The following WDPCP variants were observed in gnomAD, a reference collection of about 807,000 sequenced individuals.
The protein encoded by WDPCP is WD repeat containing planar cell polarity effector.
In WDPCP, 71 loss-of-function variants were observed where a neutral mutation model predicts 93.1. That is an observed-to-expected ratio of 0.76 (90% CI 0.63 to 0.93). The LOEUF is 0.93. Among genes scored for constraint, WDPCP ranks in the 40% least tolerant of loss-of-function variants. The pLI is 0.00. For synonymous variants in WDPCP, 315 were observed against 315.0 expected (o/e 1.00, Z 0.00); for missense variants, 844 against 887.4 (o/e 0.95, Z 0.62).
chr2:63,472,585 A>C (rs1378995374), intron 6 of WDPCP, among the ~76,000 whole-genome samples: 2 of 150,758 alleles, frequency 1.3e-5, no homozygotes, highest in Non-Finnish European at 3.0e-5. Flanking sequence ...TATTACTTTT[A>C]TTTTTTATTT....
intron 2 of WDPCP, among the ~76,000 whole-genome samples, chr2:63,715,400 A>G (rs1221471515): frequency 6.6e-6 from 1 of 152,242 alleles, no homozygotes; most frequent in Non-Finnish European, 1.5e-5. Flanking sequence ...CAAGAGGACT[A>G]TAAGCCATAG....
chr2:63,633,804 G>A (rs1438769787), intron 3 of WDPCP, among the ~76,000 whole-genome samples: 1 of 152,172 alleles, frequency 6.6e-6, no homozygotes, highest in African/African-American at 2.4e-5. Context: ...GCTGATGCTT[G>A]AAATCCCAGC....
intron 14 of WDPCP, among the ~76,000 whole-genome samples, chr2:63,252,781 A>G (rs764486186): frequency 1.3e-5 from 2 of 152,220 alleles, no homozygotes; most frequent in Non-Finnish European, 2.9e-5. Flanking sequence ...ACAAATGGAA[A>G]AACTTCCACG....
intron 12 of WDPCP, among the ~76,000 whole-genome samples, chr2:63,329,426 T>C (rs1176751241): frequency 6.6e-6 from 1 of 152,210 alleles, no homozygotes; most frequent in African/African-American, 2.4e-5. Context: ...TACATTGCTT[T>C]TATTGATTAT....
chr2:63,142,045 C>G (rs561998251), intron 17 of WDPCP, among the ~76,000 whole-genome samples: 1 of 152,248 alleles, frequency 6.6e-6, no homozygotes, highest in East Asian at 1.9e-4. Context: ...GTTAATCTTG[C>G]TAATGATCTA....
chr2:63,830,742 T>A (rs1671179858), upstream of WDPCP, among the ~76,000 whole-genome samples: 1 of 152,184 alleles, frequency 6.6e-6, no homozygotes, highest in Admixed American at 6.5e-5. Flanking sequence ...CTTAAATAAT[T>A]GGCTATTCTT....
At chr2:63,299,281 A>AG (rs1476429080) in intron 13 of WDPCP, among the ~76,000 whole-genome samples, 2 of 152,200 alleles carry the variant, frequency 1.3e-5, no homozygotes, top group Non-Finnish European at 2.9e-5. Context: ...CCCATTGGCT[A>AG]CTATGCCCTT....
At chr2:63,575,116 G>A (rs1354338770) in intron 1 of WDPCP, among the ~76,000 whole-genome samples, 1 of 151,496 alleles carries the variant, frequency 6.6e-6, no homozygotes, top group Admixed American at 6.6e-5. Flanking sequence ...ATGCAACCTT[G>A]AAAAACATGG....
rs1339511299 is a variant in WDPCP, at chr2:63,797,755, A to T, written n.308+15867T>A. Among the ~76,000 whole-genome samples the T allele has an allele frequency of 2.0e-5, 3 of 152,270 alleles. No individual in the cohort carries two copies. The South Asian group carries it at 6.2e-4, about 32-fold the overall frequency. On this transcript the variant is annotated intron_variant and non_coding_transcript_variant, in intron 2 of 4. Transcript: ENST00000467687. Reference sequence around the variant, plus strand: ...AAATAGAGAGAGAGGTAGGAATAGAAGGTTTACTCAAAGGAAAAATAACAG... The same window carrying T: ...AAATAGAGAGAGAGGTAGGAATAGATGGTTTACTCAAAGGAAAAATAACAG...
At chr2:63,348,657 T>C (rs2176418) in intron 12 of WDPCP, among the ~76,000 whole-genome samples, 121,831 of 152,118 alleles carry the variant, frequency 0.8, 49,656 homozygotes, top group East Asian at 0.96. Context: ...TGACTACGGA[T>C]ATTATAATTA....
At chr2:63,520,740 T>C (rs1702863735) in intron 1 of WDPCP, among the ~76,000 whole-genome samples, 1 of 150,798 alleles carries the variant, frequency 6.6e-6, no homozygotes, top group South Asian at 2.1e-4. Context: ...AAAATAAAAA[T>C]AAAAAAATAG....
chr2:63,279,352 A>G (rs1199377776), intron 13 of WDPCP, among the ~76,000 whole-genome samples: 1 of 152,176 alleles, frequency 6.6e-6, no homozygotes, highest in East Asian at 1.9e-4. Flanking sequence ...ACAATTAAAA[A>G]CAAAAATCAC....
chr2:63,496,584 A>G lies in WDPCP; in HGVS notation c.76-3644T>C, dbSNP rs575077904. On this transcript the variant is annotated intron_variant, in intron 1 of 17. Transcript: ENST00000272321. Reference sequence around the variant, plus strand: ...AAATCCTGAGCATAGTACAGTATAGAGTCTATGACCTGGACTTGTCTTCCA... The same window carrying G: ...AAATCCTGAGCATAGTACAGTATAGGGTCTATGACCTGGACTTGTCTTCCA... Among the ~76,000 whole-genome samples, 14 of 152,342 alleles carry G rather than the reference A, an allele frequency of 9.2e-5. No individual in the cohort carries two copies. The East Asian group carries it at 9.7e-4, about 11-fold the overall frequency.
chr2:63,622,996 T>C (rs903471989), intron 3 of WDPCP, among the ~76,000 whole-genome samples: 5 of 152,174 alleles, frequency 3.3e-5, no homozygotes, highest in African/African-American at 9.6e-5. Context: ...CCGCCATGAG[T>C]TGTCCGACCG....
intron 14 of WDPCP, among the ~76,000 whole-genome samples, chr2:63,190,481 A>G (rs547813832): frequency 2.0e-5 from 3 of 151,796 alleles, no homozygotes; most frequent in Non-Finnish European, 4.4e-5. Context: ...AGAAGATGCT[A>G]AAGGACATAT....
chr2:63,723,645 A>G (rs973940830), intron 2 of WDPCP, among the ~76,000 whole-genome samples: 16 of 150,940 alleles, frequency 1.1e-4, no homozygotes, highest in African/African-American at 3.6e-4. Context: ...ACAGTACTCA[A>G]GTTTACCTTT....
At chr2:63,756,472 A>T (rs1000647896) in intron 2 of WDPCP, among the ~76,000 whole-genome samples, 4 of 152,174 alleles carry the variant, frequency 2.6e-5, no homozygotes, top group African/African-American at 9.6e-5. Flanking sequence ...TTCATGATAA[A>T]AAACCAAATA....
intron 14 of WDPCP, among the ~76,000 whole-genome samples, chr2:63,238,144 T>C (rs1679563888): frequency 6.6e-6 from 1 of 152,172 alleles, no homozygotes. Flanking sequence ...TAGACAGCTA[T>C]TAATAACTAT....
intron 14 of WDPCP, among the ~76,000 whole-genome samples, chr2:63,213,752 A>G (rs1677052340): frequency 6.6e-6 from 1 of 152,160 alleles, no homozygotes; most frequent in Non-Finnish European, 1.5e-5. Flanking sequence ...AGAAAAGACG[A>G]AGAATTAAAT....
Sources: gnomAD v4.1 joint callset for allele counts (sites outside exome capture counted in the v4.1 genomes callset) on GRCh38, gnomAD v4.1.1 for gene constraint, MANE v1.5 for transcripts, NCBI Gene and HGNC (gene_info 2026-07-23, HGNC 2026-07-21) for gene names.